The following HDAC4 variants were observed in gnomAD, a reference collection of about 807,000 sequenced individuals.
The protein encoded by HDAC4 is histone deacetylase A.
A neutral mutation model predicts 135.1 loss-of-function variants in HDAC4; 16 were observed. The ratio of observed to expected loss-of-function variants is 0.12; its 90% CI spans 0.08 to 0.18. The LOEUF (loss-of-function observed/expected upper bound fraction) is 0.18, where lower values mean the gene tolerates loss of function less well. HDAC4 is among the 10% of genes least tolerant of loss of function. HDAC4 has a pLI of 1.00. For missense variants in HDAC4, 1,143 were observed against 1,511.8 expected (o/e 0.76, Z 4.05); for synonymous variants, 685 against 653.4 (o/e 1.05, Z -0.74).
chr2:239,228,411 G>C (rs984574882), intron 3 of HDAC4, among the ~76,000 whole-genome samples: 5 of 152,094 alleles, frequency 3.3e-5, no homozygotes, highest in Non-Finnish European at 5.9e-5. Context: ...CTGTCACTGT[G>C]AGAGTTAGGA....
At position 239,369,872 on chromosome 2, in the gene HDAC4, A is replaced by G. The variant is rs951788216; in HGVS notation, c.-219-16954T>C. Among the ~76,000 whole-genome samples, 27 of 152,264 alleles carry G rather than the reference A, an allele frequency of 1.8e-4. 1 individual carries two copies. Among genetic ancestry groups the G allele is most frequent in the Admixed American group, 1.1e-3 (17 of 15,290 alleles). On this transcript the variant is annotated intron_variant, in intron 1 of 26. Coordinates refer to ENST00000543185, the MANE Select transcript of HDAC4 (RefSeq NM_001378414.1). ...TGCAGGGTGCATGAAAGGAAGTGGC[A>G]CAGATGCCTGAAGGCTTGTACTGAA... is the stretch of plus-strand genomic sequence containing the variant.
intron 2 of HDAC4, among the ~76,000 whole-genome samples, chr2:239,316,210 A>G (rs564705902): frequency 1.3e-5 from 2 of 152,354 alleles, no homozygotes; most frequent in Admixed American, 1.3e-4. Flanking sequence ...GCAAACTGAT[A>G]TAAGTTTCCT....
chr2:239,216,638 C>T (rs544467742), intron 3 of HDAC4, among the ~76,000 whole-genome samples: 1 of 152,340 alleles, frequency 6.6e-6, no homozygotes, highest in South Asian at 2.1e-4. Context: ...CTTCCAGGAA[C>T]ACAGCCTCCT....
chr2:239,224,812 TTGAC>T (rs1324409235), intron 3 of HDAC4, among the ~76,000 whole-genome samples: 6 of 152,238 alleles, frequency 3.9e-5, no homozygotes, highest in African/African-American at 1.4e-4. Flanking sequence ...TCCCCAGTCC[TTGAC>T]TGCTCACTCT....
rs774632378 is a variant in HDAC4, at chr2:239,144,625, G to C, written c.823C>G (p.Pro275Ala). The change falls in exon 8 of 27, where the codon CCA becomes GCA. Residue 275 changes from proline to alanine, a missense_variant. Physicochemically the swap from Pro to Ala is conservative, Grantham distance 27. Coordinates refer to ENST00000543185, the MANE Select transcript of HDAC4 (RefSeq NM_001378414.1). ...CGCTTTTTTAGAGCAGTGACCACTG[G>C]CCCGTCTTTCCTGCGTAACAGGGGG... ...SSPLLRRKDG[P>A]VVTALKKRPL... The C allele has an allele frequency of 6.2e-7, 1 of 1,614,054 alleles. No individual in the cohort carries two copies. The highest frequency in any genetic ancestry group is 8.5e-7 in the Non-Finnish European group (1 of 1,180,028).
intron 4 of HDAC4, among the ~76,000 whole-genome samples, chr2:239,183,806 C>T (rs2044309900): frequency 6.6e-6 from 1 of 152,138 alleles, no homozygotes; most frequent in Non-Finnish European, 1.5e-5. Context: ...ACAGCTGCCT[C>T]AGGTGACCAG....
At chr2:239,064,716 C>G (rs2033246890) in intron 24 of HDAC4, among the ~76,000 whole-genome samples, 1 of 152,234 alleles carries the variant, frequency 6.6e-6, no homozygotes, top group Non-Finnish European at 1.5e-5. Flanking sequence ...GAGGTGGGAA[C>G]TGGCTGTGAC....
chr2:239,124,623 C>T (rs2039987951), intron 12 of HDAC4, among the ~76,000 whole-genome samples: 1 of 148,608 alleles, frequency 6.7e-6, no homozygotes, highest in Non-Finnish European at 1.5e-5. Context: ...TTCCGGCGTG[C>T]CGGCATGTGG....
chr2:239,289,337 G>GA (rs34973255), intron 2 of HDAC4, among the ~76,000 whole-genome samples: 65 of 152,242 alleles, frequency 4.3e-4, no homozygotes, highest in Non-Finnish European at 5.9e-5. Flanking sequence ...AATGAAATAC[G>GA]AAAAAGCACT....
At chr2:239,249,833 CTT>C (rs1441855367) in intron 2 of HDAC4, among the ~76,000 whole-genome samples, 1 of 151,752 alleles carries the variant, frequency 6.6e-6, no homozygotes, top group East Asian at 1.9e-4. Context: ...ACTCAAAACT[CTT>C]GTGTCAGGAA....
chr2:239,344,058 G>C (rs868302197), intron 2 of HDAC4, among the ~76,000 whole-genome samples: 3 of 152,324 alleles, frequency 2.0e-5, no homozygotes, highest in African/African-American at 2.4e-5. Flanking sequence ...GTATTATTAT[G>C]ATGAGTTTTG....
At chr2:239,371,824 C>T (rs1575766109) in intron 1 of HDAC4, among the ~76,000 whole-genome samples, 1 of 152,340 alleles carries the variant, frequency 6.6e-6, no homozygotes, top group Non-Finnish European at 1.5e-5. Context: ...CCTGCGCATC[C>T]GGCCCTGCCT....
intron 11 of HDAC4, among the ~76,000 whole-genome samples, chr2:239,131,460 G>C (rs373140608): frequency 1.2e-4 from 19 of 152,376 alleles, no homozygotes; most frequent in South Asian, 1.0e-3. Flanking sequence ...GCAGAACATG[G>C]AAACGAAGAT....
At chr2:239,238,193 CT>C (rs891980429) in intron 2 of HDAC4, among the ~76,000 whole-genome samples, 19 of 151,934 alleles carry the variant, frequency 1.3e-4, no homozygotes, top group African/African-American at 2.7e-4. Context: ...CTTTTCAAGC[CT>C]TTTTTTCCCC....
chr2:239,111,459 A>G, intron 14 of HDAC4, 67 bp downstream of exon 14: 1 of 1,467,270 alleles, frequency 6.8e-7, no homozygotes, highest in Non-Finnish European at 9.3e-7. Flanking sequence ...GGCCGGGAAG[A>G]GCCCCCCGCG....
intron 5 of HDAC4, among the ~76,000 whole-genome samples, chr2:239,170,684 C>A (rs1228543956): frequency 6.6e-6 from 1 of 152,168 alleles, no homozygotes; most frequent in Non-Finnish European, 1.5e-5. Context: ...AAGATCTAGA[C>A]AAAGCACCCT....
rs138989369 is a variant in HDAC4 at position 239,139,726 on chromosome 2, C to T, written c.936G>A (p.Ala312=). The stretch of plus-strand genomic sequence containing the variant: ...GGACGGCGGGCGCGATACCGTTCTC[C>T]GCGCTGACGCTCCCGGAGCTGTTGT... ...SPNNSSGSVS[A]ENGIAPAVPS... Residue 312 remains alanine (A), a synonymous_variant, in exon 9 of 27, where the codon GCG becomes GCA. Transcript: ENST00000543185. This position sits in a 1 kb window ranked among gnomAD's most constrained non-coding sequence, Gnocchi z 5.3. The T allele has an allele frequency of 1.6e-4, 255 of 1,614,112 alleles. No homozygotes were observed. Among genetic ancestry groups the T allele is most frequent in the African/African-American group, 1.2e-3 (93 of 75,058 alleles).
intron 2 of HDAC4, among the ~76,000 whole-genome samples, chr2:239,330,124 C>T (rs909934250): frequency 6.6e-6 from 1 of 152,258 alleles, no homozygotes. Flanking sequence ...CCTGGATCAG[C>T]GGCCACAGAG....
At chr2:239,274,432 G>A (rs1006118564) in intron 2 of HDAC4, among the ~76,000 whole-genome samples, 4 of 152,154 alleles carry the variant, frequency 2.6e-5, no homozygotes, top group Admixed American at 6.5e-5. Context: ...TTTTAAGGAC[G>A]AATCATGTAT....
Sources: gnomAD v4.1 joint callset for allele counts (sites outside exome capture counted in the v4.1 genomes callset) on GRCh38, gnomAD v4.1.1 for gene constraint, Gnocchi (gnomAD v3.1) non-coding constraint, MANE v1.5 for transcripts, NCBI Gene and HGNC (gene_info 2026-07-23, HGNC 2026-07-21) for gene names.